The following CAAP1 variants were observed in gnomAD, a reference collection of about 807,000 sequenced individuals.
CAAP1 encodes conserved anti-apoptotic protein.
Under a neutral mutation model 34.0 loss-of-function variants are expected in CAAP1, and 20 were observed. The observed-to-expected ratio is 0.59, with a 90% confidence interval of 0.41 to 0.86. The LOEUF (loss-of-function observed/expected upper bound fraction) is 0.86. CAAP1 is among the 40% of genes least tolerant of loss of function. CAAP1 has a pLI of 0.00. For missense variants in CAAP1, 538 were observed against 450.5 expected (o/e 1.19, Z -1.76); for synonymous variants, 213 against 166.7 (o/e 1.28, Z -2.14).
intron 5 of CAAP1, among the ~76,000 whole-genome samples, chr9:26,851,529 C>T (rs1006023270): frequency 2.6e-5 from 4 of 152,152 alleles, no homozygotes; most frequent in African/African-American, 9.7e-5. Context: ...TAGTCTTTTA[C>T]AATGGATCAG....
intron 3 of CAAP1, among the ~76,000 whole-genome samples, chr9:26,885,438 A>G (rs1455678712): frequency 6.6e-6 from 1 of 152,228 alleles, no homozygotes; most frequent in Non-Finnish European, 1.5e-5. Flanking sequence ...ATATACACTT[A>G]CACACTATGT....
intron 4 of CAAP1, among the ~76,000 whole-genome samples, chr9:26,876,182 G>A (rs1000791488): frequency 6.6e-6 from 1 of 152,070 alleles, no homozygotes; most frequent in Non-Finnish European, 1.5e-5. Flanking sequence ...ATATTCCCTG[G>A]CTTGTGGATC....
intron 4 of CAAP1, among the ~76,000 whole-genome samples, chr9:26,878,416 T>TAAA (rs1823499517): frequency 6.6e-6 from 1 of 152,138 alleles, no homozygotes; most frequent in Non-Finnish European, 1.5e-5. Context: ...AGCAAAGCAG[T>TAAA]CTCTCCCTCC....
chr9:26,845,785 G>A (rs769903458), intron 5 of CAAP1, among the ~76,000 whole-genome samples: 5 of 152,174 alleles, frequency 3.3e-5, no homozygotes, highest in African/African-American at 7.2e-5. Context: ...ATATTAAATG[G>A]ACTCTCTTCT....
intron 4 of CAAP1, among the ~76,000 whole-genome samples, chr9:26,874,340 C>A (rs1471325637): frequency 6.6e-6 from 1 of 151,136 alleles, no homozygotes; most frequent in South Asian, 2.1e-4. Flanking sequence ...CTGGAATATC[C>A]ATCATCTCAA....
At chr9:26,861,716 T>C (rs1823006949) in intron 4 of CAAP1, among the ~76,000 whole-genome samples, 1 of 152,188 alleles carries the variant, frequency 6.6e-6, no homozygotes, top group Non-Finnish European at 1.5e-5. Flanking sequence ...ACCATCTTAA[T>C]ATTAATATAC....
At chr9:26,850,635 C>T (rs1353571641) in intron 5 of CAAP1, among the ~76,000 whole-genome samples, 1 of 152,140 alleles carries the variant, frequency 6.6e-6, no homozygotes, top group East Asian at 1.9e-4. Flanking sequence ...AATAATTTGC[C>T]ATGTTCTATT....
rs1823176457 is a variant in CAAP1 at position 26,867,927 on chromosome 9, G to C, written c.666-6788C>G. On this transcript the variant is annotated intron_variant, in intron 4 of 5. Coordinates refer to ENST00000333916, the MANE Select transcript of CAAP1 (RefSeq NM_024828.4). The stretch of plus-strand genomic sequence containing the variant: ...TTCCAAGGGTCCTTGACACAAAAAA[G>C]TTTTAGAAGTATGGTACTGCTTTGG... Among the ~76,000 whole-genome samples the C allele has an allele frequency of 3.3e-5, 5 of 152,130 alleles. No homozygotes were observed. The South Asian group carries it at 1.0e-3, about 32-fold the overall frequency.
chr9:26,892,284 T>G, intron 1 of CAAP1, 129 bp downstream of exon 1: 1 of 1,533,810 alleles, frequency 6.5e-7, no homozygotes. Context: ...AACATGAACC[T>G]CAAGGACGGA....
chr9:26,891,573 A>G (rs1823904204), intron 1 of CAAP1, among the ~76,000 whole-genome samples: 2 of 151,606 alleles, frequency 1.3e-5, no homozygotes, highest in Non-Finnish European at 2.9e-5. Context: ...AGTCACAACA[A>G]TACAAAAAAA....
intron 5 of CAAP1, among the ~76,000 whole-genome samples, chr9:26,844,821 T>A (rs1822559837): frequency 6.6e-6 from 1 of 152,256 alleles, no homozygotes; most frequent in Non-Finnish European, 1.5e-5. Flanking sequence ...TAATCTAGTT[T>A]TTTTCTGTGG....
chr9:26,860,044 C>G (rs1325502339), intron 5 of CAAP1, among the ~76,000 whole-genome samples: 1 of 152,052 alleles, frequency 6.6e-6, no homozygotes, highest in Non-Finnish European at 1.5e-5. Context: ...GTTCATATGA[C>G]TCATATTTAA....
chr9:26,857,671 A>T (rs1345127365), intron 5 of CAAP1, among the ~76,000 whole-genome samples: 1 of 152,210 alleles, frequency 6.6e-6, no homozygotes, highest in Non-Finnish European at 1.5e-5. Flanking sequence ...TTCTAACAGA[A>T]GAGTTTCTGT....
chr9:26,842,385 C>T lies in CAAP1; in HGVS notation c.1002G>A (p.Gln334=), dbSNP rs773289384. The T allele has an allele frequency of 6.2e-7, 1 of 1,614,144 alleles. No individual in the cohort carries two copies. Residue 334 remains glutamine (Q), a synonymous_variant, in exon 6 of 6, where the codon CAG becomes CAA. Transcript: ENST00000333916. The part of the protein sequence containing the change: ...PPPEDVQPSA[Q]QLELLELEMR... ...TCTCAAGTTCTAGCAGCTCCAGTTGCTGTGCAGAAGGTTGAACATCTTCTG... is the reference window on the plus strand; with the variant it reads ...TCTCAAGTTCTAGCAGCTCCAGTTGTTGTGCAGAAGGTTGAACATCTTCTG...
chr9:26,890,754 G>C (rs961807147), intron 1 of CAAP1, among the ~76,000 whole-genome samples: 2 of 152,120 alleles, frequency 1.3e-5, no homozygotes, highest in Non-Finnish European at 2.9e-5. Context: ...GACCATCCTG[G>C]CTAACACGGT....
chr9:26,891,904 T>G (rs7873073), intron 1 of CAAP1, among the ~76,000 whole-genome samples: 14,389 of 152,236 alleles, frequency 0.095, 1,740 homozygotes, highest in East Asian at 0.65. Flanking sequence ...GGCGTTCTCT[T>G]GGCAGACTGG....
At chr9:26,872,548 CATATA>C (rs1454763108) in intron 4 of CAAP1, among the ~76,000 whole-genome samples, 1 of 141,324 alleles carries the variant, frequency 7.1e-6, no homozygotes, top group African/African-American at 2.9e-5. Context: ...GATAGATATA[CATATA>C]ATATATATAT....
chr9:26,844,810 GTAATC>G (rs1822559517), intron 5 of CAAP1, among the ~76,000 whole-genome samples: 1 of 152,160 alleles, frequency 6.6e-6, no homozygotes, highest in Non-Finnish European at 1.5e-5. Context: ...GCTTTTGTCT[GTAATC>G]TAGTTTTTTT....
At chr9:26,858,085 G>A (rs1378768695) in intron 5 of CAAP1, among the ~76,000 whole-genome samples, 1 of 152,150 alleles carries the variant, frequency 6.6e-6, no homozygotes, top group Non-Finnish European at 1.5e-5. Context: ...TGAACAAAAG[G>A]TTACTTTCGT....
Sources: allele counts gnomAD v4.1 joint callset (sites outside exome capture counted in the v4.1 genomes callset), GRCh38; gene constraint gnomAD v4.1.1; transcripts MANE v1.5; gene names NCBI Gene and HGNC (gene_info 2026-07-23, HGNC 2026-07-21).